CARF: variants seen among roughly 807,000 people sequenced by gnomAD.
The protein encoded by CARF is calcium responsive transcription factor.
In CARF, 57 loss-of-function variants were observed where a neutral mutation model predicts 82.0. The observed-to-expected ratio is 0.70, with a 90% CI of 0.56 to 0.87. CARF has a LOEUF of 0.87. Among genes scored for constraint, CARF ranks in the 40% least tolerant of loss-of-function variants. CARF has a pLI of 0.00. For missense variants in CARF, 771 were observed against 855.8 expected (o/e 0.90, Z 1.24); for synonymous variants, 268 against 290.1 (o/e 0.92, Z 0.77).
chr2:202,959,191 G>C (rs143289851), intron 8 of CARF, among the ~76,000 whole-genome samples: 31 of 150,976 alleles, frequency 2.1e-4, no homozygotes, highest in Admixed American at 1.9e-3. Context: ...GTAAATTATA[G>C]TATAGCTAAA....
rs1195486976 is a variant in CARF, at chr2:202,967,025, G to T, written c.880G>T (p.Gly294Cys). The change falls in exon 10 of 17, where the codon GGT (glycine) becomes TGT (cysteine). Residue 294 changes from glycine to cysteine, a missense_variant. Physicochemically the swap from Gly to Cys is radical, Grantham distance 159. Coordinates refer to ENST00000438828, the MANE Select transcript of CARF (RefSeq NM_024744.17). ...MECQYGPRRK[G>C]FQLKKVSEQE... ...GTGTCAGTATGGGCCAAGAAGAAAA[G>T]GTTTCCAGTTAAAAAAAGTCAGTGA... The T allele has an allele frequency of 6.2e-7, 1 of 1,613,926 alleles. No individual in the cohort carries two copies. Among genetic ancestry groups the T allele is most frequent in the South Asian group, 1.1e-5 (1 of 91,076 alleles).
At chr2:202,944,843 G>C (rs970832893) in intron 5 of CARF, among the ~76,000 whole-genome samples, 4 of 150,746 alleles carry the variant, frequency 2.7e-5, no homozygotes, top group African/African-American at 9.8e-5. Context: ...TAAAAGGGTT[G>C]TCATTTTACC....
chr2:202,941,351 A>T (rs7588473), intron 3 of CARF, among the ~76,000 whole-genome samples: 135,094 of 152,060 alleles, frequency 0.89, 60,697 homozygotes, highest in Non-Finnish European at 0.95. Flanking sequence ...TTTCTTTTTT[A>T]AAATATATCT....
At chr2:202,935,147 A>ATAATATAATT (rs1180606909) in intron 3 of CARF, among the ~76,000 whole-genome samples, 3 of 109,530 alleles carry the variant, frequency 2.7e-5, no homozygotes, top group African/African-American at 6.3e-5. Flanking sequence ...ATATAATTAT[A>ATAATATAATT]ATATATACTC....
intron 5 of CARF, among the ~76,000 whole-genome samples, chr2:202,948,759 G>A (rs1456761601): frequency 2.0e-5 from 3 of 152,088 alleles, no homozygotes; most frequent in Non-Finnish European, 1.5e-5. Flanking sequence ...GAGAATATGG[G>A]GTTTTCTAAA....
At chr2:202,963,979 T>G (rs1161128139) in intron 9 of CARF, among the ~76,000 whole-genome samples, 1 of 152,182 alleles carries the variant, frequency 6.6e-6, no homozygotes, top group East Asian at 1.9e-4. Context: ...TGGTCCAGTC[T>G]GGAGGTTAGA....
intron 3 of CARF, among the ~76,000 whole-genome samples, chr2:202,928,381 C>T (rs1444056661): frequency 6.6e-6 from 1 of 152,038 alleles, no homozygotes; most frequent in African/African-American, 2.4e-5. Context: ...TGTTTACGGA[C>T]ACTTAGGTTG....
At chr2:202,921,804 C>T (rs1342502861) in intron 2 of CARF, among the ~76,000 whole-genome samples, 1 of 152,008 alleles carries the variant, frequency 6.6e-6, no homozygotes, top group Non-Finnish European at 1.5e-5. Flanking sequence ...ATGACATAAA[C>T]AATAAAACTT....
Position 202,974,341 on chromosome 2 carries a change from G to C in CARF, c.1339G>C (p.Val447Leu). The C allele has an allele frequency of 6.3e-7, 1 of 1,577,928 alleles. No individual in the cohort carries two copies. The highest frequency in any genetic ancestry group is 1.2e-5 in the South Asian group (1 of 84,406). ...YAVRKQLRKF[V>L]ERELFKPDEV... is the part of the protein sequence containing the mutation. ...ATTTTGTATTCTTTACAGAAAATTT[G>C]TGGAAAGGGAACTGTTCAAACCCGA... Residue 447 changes from valine to leucine, a missense_variant, in exon 13 of 17, where the codon GTG becomes CTG. Val to Leu is a conservative substitution (Grantham distance 32, BLOSUM62 1). Transcript: ENST00000438828.
chr2:202,926,985 T>C (rs1691950587), intron 3 of CARF, among the ~76,000 whole-genome samples: 1 of 152,198 alleles, frequency 6.6e-6, no homozygotes, highest in Non-Finnish European at 1.5e-5. Context: ...AGCTAATTTT[T>C]ATATTTTTTT....
At chr2:202,951,552 A>G (rs983539433) in intron 5 of CARF, among the ~76,000 whole-genome samples, 2 of 152,142 alleles carry the variant, frequency 1.3e-5, no homozygotes, top group African/African-American at 4.8e-5. Context: ...GTCTGGAAGC[A>G]TCAGATAGAC....
At position 202,982,387 on chromosome 2, in the gene CARF, T is replaced by C. The variant is rs756620799; in HGVS notation, c.2005T>C (p.Leu669=). ...GGAAGGAACTGTTCATCGGATTCTG[T>C]TGGGAGATGTGCAGACTATTCCAAT... ...NLEGTVHRIL[L]GDVQTIPIQI... is the part of the protein sequence containing the mutation. Residue 669 remains leucine, a synonymous_variant, in exon 16 of 17, where the codon TTG becomes CTG. Coordinates refer to ENST00000438828, the MANE Select transcript of CARF (RefSeq NM_024744.17). 3 of 1,614,144 alleles carry C rather than the reference T, an allele frequency of 1.9e-6. No individual in the cohort carries two copies. Among genetic ancestry groups the C allele is most frequent in the South Asian group, 1.1e-5 (1 of 91,080 alleles).
intron 9 of CARF, chr2:202,963,061 G>T (rs2059390570): frequency 6.6e-6 from 1 of 152,248 alleles, no homozygotes; most frequent in African/African-American, 2.4e-5. Context: ...GCTCACGCCT[G>T]TAATCCCAGC....
rs2059579927 is a variant in CARF, at chr2:202,966,957, AT to A, written c.833-20del. The A allele has an allele frequency of 6.2e-7, 1 of 1,610,346 alleles. No individual in the cohort carries two copies. The highest frequency in any genetic ancestry group is 1.7e-5 in the Admixed American group (1 of 59,008). On this transcript the variant is annotated intron_variant, in intron 9 of 16. Coordinates refer to ENST00000438828, the MANE Select transcript of CARF (RefSeq NM_024744.17). Reference sequence around the variant, plus strand: ...TAGATGGACACTTGAATTAATATCAATAGTTGGTTTTGGCCCACAGGGAGTA... The same window carrying A: ...TAGATGGACACTTGAATTAATATCAAAGTTGGTTTTGGCCCACAGGGAGTA...
At chr2:202,929,201 A>T (rs1226542478) in intron 3 of CARF, among the ~76,000 whole-genome samples, 1 of 152,152 alleles carries the variant, frequency 6.6e-6, no homozygotes, top group Non-Finnish European at 1.5e-5. Flanking sequence ...TTTTAGTTTG[A>T]TACAAATCCA....
chr2:202,952,318 G>T (rs957888048), intron 5 of CARF, among the ~76,000 whole-genome samples: 4 of 152,108 alleles, frequency 2.6e-5, no homozygotes, highest in Non-Finnish European at 5.9e-5. Context: ...AAGACCATTG[G>T]TGGTTAAGAC....
chr2:202,969,984 A>G lies in CARF; in HGVS notation c.1019A>G (p.Lys340Arg). 2 of 1,575,750 alleles carry G rather than the reference A, an allele frequency of 1.3e-6. No homozygotes were observed. Among genetic ancestry groups the G allele is most frequent in the Non-Finnish European group, 1.7e-6 (2 of 1,169,514 alleles). The change falls in exon 11 of 17, where the codon AAG becomes AGG. Residue 340 changes from lysine (K) to arginine (R), a missense_variant. Lys to Arg is a conservative substitution (Grantham distance 26). Coordinates refer to ENST00000438828, the MANE Select transcript of CARF (RefSeq NM_024744.17). ...YRVPTDPKID[K>R]KIIRMEQEKA... ...GTTCCTACAGACCCCAAAATTGACAAGAAAATTATCAGAATGGAGCAGGAG... is the reference window on the plus strand; with the variant it reads ...GTTCCTACAGACCCCAAAATTGACAGGAAAATTATCAGAATGGAGCAGGAG...
chr2:202,959,989 A>C (rs931289181), intron 8 of CARF, among the ~76,000 whole-genome samples: 18 of 152,206 alleles, frequency 1.2e-4, no homozygotes, highest in African/African-American at 4.3e-4. Context: ...GGTAGAAATT[A>C]AAAGTGGGAG....
Position 202,961,417 on chromosome 2 carries a change from G to T in CARF, c.823G>T (p.Val275Phe). The T allele has an allele frequency of 6.2e-7, 1 of 1,613,722 alleles. No individual in the cohort carries two copies. ...TGTTCCATATGATGGAATCCCATTT[G>T]TTAATGCAGGTACTTTTTTAAAGAA... ...QYVPYDGIPF[V>F]NAGSRAVVME... The change falls in exon 9 of 17, where the codon GTT (valine) becomes TTT (phenylalanine). Residue 275 changes from valine (V) to phenylalanine (F), a missense_variant. Physicochemically the swap from Val to Phe is conservative, Grantham distance 50. Transcript: ENST00000438828.
Sources: gnomAD v4.1 joint callset for allele counts (sites outside exome capture counted in the v4.1 genomes callset) on GRCh38, gnomAD v4.1.1 for gene constraint, MANE v1.5 for transcripts, NCBI Gene and HGNC (gene_info 2026-07-23, HGNC 2026-07-21) for gene names.